The following BLK variants were observed in gnomAD, a reference collection of about 807,000 sequenced individuals.
BLK encodes tyrosine-protein kinase Blk.
BLK carries 64 observed loss-of-function variants against 61.8 expected under a neutral mutation model. The observed-to-expected ratio is 1.03, with a 90% CI of 0.85 to 1.27. BLK has a LOEUF of 1.27. BLK is among the 50% of genes most tolerant of loss of function. The pLI, the probability that BLK is intolerant of heterozygous loss-of-function variation, is 0.00. For synonymous variants in BLK, 351 were observed against 272.0 expected (o/e 1.29, Z -2.86); for missense variants, 853 against 660.5 (o/e 1.29, Z -3.19).
At chr8:11,558,355 G>C (rs552676154) in intron 10 of BLK, 28 of 398,038 alleles carry the variant, frequency 7.0e-5, no homozygotes, top group African/African-American at 5.0e-4. Flanking sequence ...GAAACACACA[G>C]AGTTAGCAAG....
chr8:11,513,128 G>A (rs545694191), intron 1 of BLK, among the ~76,000 whole-genome samples: 16 of 152,270 alleles, frequency 1.1e-4, no homozygotes, highest in Admixed American at 5.9e-4. Context: ...GATCCCTACT[G>A]TCCATGCCCA....
At chr8:11,553,530 G>A in intron 6 of BLK, 1 of 289,972 alleles carries the variant, frequency 3.4e-6, no homozygotes, top group Non-Finnish European at 6.9e-6. Flanking sequence ...GTCACTGCGT[G>A]GAGAGCGGGC....
At position 11,555,387 on chromosome 8, in the gene BLK, G is replaced by C; in HGVS notation, c.675G>C (p.Pro225=). 2 of 1,614,112 alleles carry C rather than the reference G, an allele frequency of 1.2e-6. No homozygotes were observed. The highest frequency in any genetic ancestry group is 1.7e-6 in the Non-Finnish European group (2 of 1,180,022). Residue 225 remains proline, a synonymous_variant, in exon 8 of 13, where the codon CCG becomes CCC. Transcript: ENST00000259089. ...RLTLPCVRPA[P]QNPWAQDEWE... ...CCCTGCCCTGTGTGCGCCCGGCCCCGCAGAATCCCTGGGCCCAGGATGAAT... is the reference window on the plus strand; with the variant it reads ...CCCTGCCCTGTGTGCGCCCGGCCCCCCAGAATCCCTGGGCCCAGGATGAAT...
chr8:11,525,993 G>A (rs1381241979), intron 1 of BLK, among the ~76,000 whole-genome samples: 3 of 152,092 alleles, frequency 2.0e-5, no homozygotes, highest in South Asian at 2.1e-4. Flanking sequence ...GGCTGGTCTC[G>A]AACTCCTATC....
chr8:11,514,097 T>A (rs189370861), intron 1 of BLK, among the ~76,000 whole-genome samples: 1 of 152,180 alleles, frequency 6.6e-6, no homozygotes, highest in African/African-American at 2.4e-5. Context: ...AAGGAACCAT[T>A]CTGTTTTGGT....
chr8:11,526,521 C>A (rs1291405472), intron 1 of BLK, among the ~76,000 whole-genome samples: 1 of 152,150 alleles, frequency 6.6e-6, no homozygotes, highest in Non-Finnish European at 1.5e-5. Context: ...GAGTTTGAGA[C>A]CAGCCTGGGC....
At chr8:11,550,778 A>C (rs1281427800) in intron 6 of BLK, among the ~76,000 whole-genome samples, 1 of 152,266 alleles carries the variant, frequency 6.6e-6, no homozygotes, top group Non-Finnish European at 1.5e-5. Context: ...TGAGCAAAAC[A>C]GCTGCCATCA....
chr8:11,556,111 T>A (rs1332254938), intron 8 of BLK: 2 of 224,252 alleles, frequency 8.9e-6, no homozygotes, highest in Non-Finnish European at 1.8e-5. Flanking sequence ...TGTACCCAGG[T>A]CCCTGCCAAG....
At chr8:11,541,909 A>T (rs1026543282) in intron 1 of BLK, among the ~76,000 whole-genome samples, 8 of 152,240 alleles carry the variant, frequency 5.3e-5, no homozygotes, top group Non-Finnish European at 1.0e-4. Context: ...ATCTGAGCTC[A>T]CATAAAGAAA....
chr8:11,495,661 G>A (rs1798337039), intron 1 of BLK, among the ~76,000 whole-genome samples: 1 of 152,124 alleles, frequency 6.6e-6, no homozygotes, highest in African/African-American at 2.4e-5. Flanking sequence ...AAGAAAGACA[G>A]GCAAAGCGTC....
chr8:11,530,730 CA>C (rs71203394), intron 1 of BLK, among the ~76,000 whole-genome samples: 151,592 of 152,300 alleles, frequency 1, 75,446 homozygotes, highest in East Asian at 1. Context: ...GAATCAGCAA[CA>C]ATTTTAAGTG....
chr8:11,542,823 C>A (rs1440593042), intron 1 of BLK, among the ~76,000 whole-genome samples: 1 of 152,172 alleles, frequency 6.6e-6, no homozygotes, highest in Non-Finnish European at 1.5e-5. Flanking sequence ...GAGAAAATGT[C>A]ACTTTCCCAA....
intron 1 of BLK, among the ~76,000 whole-genome samples, chr8:11,529,550 G>T (rs1014954453): frequency 1.3e-5 from 2 of 152,074 alleles, no homozygotes; most frequent in African/African-American, 2.4e-5. Flanking sequence ...CAGTTTGGGG[G>T]GTGGGAGATC....
chr8:11,514,938 C>T (rs1376953750), intron 1 of BLK, among the ~76,000 whole-genome samples: 1 of 152,202 alleles, frequency 6.6e-6, no homozygotes, highest in African/African-American at 2.4e-5. Context: ...CCTCAGCCCC[C>T]TCCCCTTCCT....
chr8:11,525,490 TC>T (rs1218409096), intron 1 of BLK, among the ~76,000 whole-genome samples: 1 of 144 alleles, frequency 6.9e-3, no homozygotes, highest in Non-Finnish European at 0.014. Flanking sequence ...TGCAATTTAC[TC>T]TTTTCATGTA....
At chr8:11,535,457 A>G (rs1378942796) in intron 1 of BLK, among the ~76,000 whole-genome samples, 1 of 152,220 alleles carries the variant, frequency 6.6e-6, no homozygotes, top group African/African-American at 2.4e-5. Flanking sequence ...CGTGTTTTCT[A>G]TCTTCATGTG....
At position 11,543,442 on chromosome 8, in the gene BLK, C is replaced by T. The variant is rs1050995070; in HGVS notation, c.123+95C>T. 4 of 1,519,116 alleles carry T rather than the reference C, an allele frequency of 2.6e-6. No homozygotes were observed. The African/African-American group carries it at 5.5e-5, about 21-fold the overall frequency. 94.1% of individuals were successfully genotyped at this position (1,519,116 alleles called of 1,614,324 possible). A position where few individuals can be genotyped will look rare whatever the true frequency, so the allele number is the denominator to read the frequency against. ...AAAATGGGTATAGCAAAAGTGCCTT[C>T]CTGATAGGGATGTAACGATCTGCAA... On this transcript the variant is annotated intron_variant, in intron 2 of 12. Coordinates refer to ENST00000259089, the MANE Select transcript of BLK (RefSeq NM_001715.3).
In BLK at chr8:11,555,412, T is replaced by C; in HGVS notation, c.700T>C (p.Trp234Arg). 6.2e-7 allele frequency: 1 copy of C among 1,614,126 alleles called. No homozygotes were observed. ...GCAGAATCCCTGGGCCCAGGATGAA[T>C]GGGAGATCCCCCGGCAGTCTCTCAG... is the stretch of plus-strand genomic sequence containing the variant. ...APQNPWAQDE[W>R]EIPRQSLRLV... Residue 234 changes from tryptophan to arginine, a missense_variant, in exon 8 of 13, where the codon TGG becomes CGG. Coordinates refer to ENST00000259089, the MANE Select transcript of BLK (RefSeq NM_001715.3).
chr8:11,529,510 G>A (rs545535664), intron 1 of BLK, among the ~76,000 whole-genome samples: 1 of 152,232 alleles, frequency 6.6e-6, no homozygotes, highest in East Asian at 1.9e-4. Flanking sequence ...TGCCAGGTCT[G>A]CAAAATATCT....
Sources: gnomAD v4.1 joint callset for allele counts (sites outside exome capture counted in the v4.1 genomes callset) on GRCh38, gnomAD v4.1.1 for gene constraint, MANE v1.5 for transcripts, NCBI Gene and HGNC (gene_info 2026-07-23, HGNC 2026-07-21) for gene names.